CTNNA2: variants seen among roughly 807,000 people sequenced by gnomAD.
The protein encoded by CTNNA2 is catenin alpha 2, also known as catenin alpha-2.
In CTNNA2, 42 loss-of-function variants were observed where a neutral mutation model predicts 101.0. The observed-to-expected ratio is 0.42, with a 90% confidence interval of 0.32 to 0.54. The LOEUF (loss-of-function observed/expected upper bound fraction) is 0.54, where lower values mean the gene tolerates loss of function less well. CTNNA2 is among the 20% of genes least tolerant of loss of function. CTNNA2 has a pLI of 0.14. For synonymous variants in CTNNA2, 450 were observed against 456.4 expected, an observed-to-expected ratio of 0.99 and a Z score of 0.18; for missense variants, 871 against 1,223.1, an observed-to-expected ratio of 0.71 and a Z score of 4.29.
At chr2:79,308,796 T>G (rs1676303483) in intron 2 of CTNNA2, among the ~76,000 whole-genome samples, 1 of 148,506 alleles carries the variant, frequency 6.7e-6, no homozygotes, top group Non-Finnish European at 1.5e-5. Flanking sequence ...TTTTTTTTTT[T>G]GCTCTTGAGG....
chr2:79,278,705 A>G (rs184806879), intron 2 of CTNNA2, among the ~76,000 whole-genome samples: 1 of 152,270 alleles, frequency 6.6e-6, no homozygotes, highest in African/African-American at 2.4e-5. Flanking sequence ...CTCTACCTCC[A>G]GGCTAATTGC....
At chr2:80,477,705 T>C (rs984831115) in intron 9 of CTNNA2, among the ~76,000 whole-genome samples, 8 of 151,508 alleles carry the variant, frequency 5.3e-5, no homozygotes, top group Non-Finnish European at 8.8e-5. Flanking sequence ...TTCTTATGGC[T>C]GAGTAGTATT....
chr2:79,266,756 C>A (rs1674992398), intron 2 of CTNNA2, among the ~76,000 whole-genome samples: 1 of 151,980 alleles, frequency 6.6e-6, no homozygotes, highest in Admixed American at 6.6e-5. Context: ...GTATCACCAG[C>A]ATTTGAGAGA....
chr2:79,636,843 C>T (rs1046628351), intron 1 of CTNNA2: 2 of 151,994 alleles, frequency 1.3e-5, no homozygotes, highest in Non-Finnish European at 2.9e-5. Flanking sequence ...CTATATATAA[C>T]AAAATGAGTT....
intron 1 of CTNNA2, among the ~76,000 whole-genome samples, chr2:79,623,788 A>T (rs1679137163): frequency 6.6e-6 from 1 of 152,220 alleles, no homozygotes; most frequent in Non-Finnish European, 1.5e-5. Flanking sequence ...GAAGAAAAAG[A>T]AAATCAGTTT....
intron 7 of CTNNA2, among the ~76,000 whole-genome samples, chr2:80,197,130 A>T (rs1706892118): frequency 6.6e-6 from 1 of 152,102 alleles, no homozygotes; most frequent in Non-Finnish European, 1.5e-5. Context: ...TCCCAATGAG[A>T]TCTCTATTCA....
chr2:79,783,611 T>A (rs183839013), intron 3 of CTNNA2, among the ~76,000 whole-genome samples: 1 of 152,308 alleles, frequency 6.6e-6, no homozygotes, highest in East Asian at 1.9e-4. Flanking sequence ...CACTCTGTCT[T>A]AATTTTTACA....
At chr2:79,226,012 T>C (rs1006473125) in intron 2 of CTNNA2, among the ~76,000 whole-genome samples, 2 of 152,196 alleles carry the variant, frequency 1.3e-5, no homozygotes, top group Non-Finnish European at 2.9e-5. Flanking sequence ...GTTGAGGACT[T>C]GCCCTATGTG....
At chr2:80,570,732 C>T (rs1039819883) in intron 12 of CTNNA2, among the ~76,000 whole-genome samples, 10 of 152,054 alleles carry the variant, frequency 6.6e-5, no homozygotes, top group Admixed American at 5.2e-4. Context: ...CTTGAAAGGT[C>T]GATGGTAGTT....
intron 2 of CTNNA2, among the ~76,000 whole-genome samples, chr2:79,299,189 G>A (rs2104388754): frequency 6.6e-6 from 1 of 152,274 alleles, no homozygotes; most frequent in East Asian, 1.9e-4. Flanking sequence ...TCCTGAGTCA[G>A]GCAGGGTGTG....
At chr2:79,765,980 T>C (rs1673123186) in intron 3 of CTNNA2, among the ~76,000 whole-genome samples, 1 of 152,190 alleles carries the variant, frequency 6.6e-6, no homozygotes, top group South Asian at 2.1e-4. Flanking sequence ...TTAAAGCGAA[T>C]TCATTCTTGG....
chr2:79,919,692 T>C (rs1479011176), intron 7 of CTNNA2, among the ~76,000 whole-genome samples: 1 of 152,216 alleles, frequency 6.6e-6, no homozygotes, highest in Admixed American at 6.5e-5. Context: ...TGGGAAAACC[T>C]TCCCTTTGAA....
At chr2:80,166,065 T>C (rs1252461530) in intron 7 of CTNNA2, among the ~76,000 whole-genome samples, 2 of 152,198 alleles carry the variant, frequency 1.3e-5, no homozygotes, top group African/African-American at 2.4e-5. Flanking sequence ...TGTCATGATA[T>C]TGTGATATAT....
rs551701462 is a variant in CTNNA2, at chr2:80,198,696, A to G, written c.1057-194515A>G. On this transcript the variant is annotated intron_variant, in intron 7 of 18. Transcript: ENST00000402739. ...GAAGTTGAAATATGAAACACCATTC[A>G]TTGCCGAATTTACTAATTTTATGAC... Among the ~76,000 whole-genome samples the G allele has an allele frequency of 3.9e-4, 60 of 152,290 alleles. 2 individuals are homozygous for G. The highest frequency in any genetic ancestry group is 3.9e-3 in the South Asian group (19 of 4,824).
chr2:79,468,065 T>A (rs930188259), intron 4 of CTNNA2, among the ~76,000 whole-genome samples: 1 of 152,140 alleles, frequency 6.6e-6, no homozygotes, highest in Non-Finnish European at 1.5e-5. Context: ...AATGCTCCAA[T>A]TAAAAGACAC....
intron 7 of CTNNA2, among the ~76,000 whole-genome samples, chr2:80,322,410 A>T (rs1678789678): frequency 6.6e-6 from 1 of 152,166 alleles, no homozygotes; most frequent in Non-Finnish European, 1.5e-5. Context: ...CACTTCCCTG[A>T]AAGCCAGTGA....
At chr2:79,972,144 C>T (rs545821597) in intron 7 of CTNNA2, among the ~76,000 whole-genome samples, 2 of 152,262 alleles carry the variant, frequency 1.3e-5, no homozygotes, top group African/African-American at 2.4e-5. Flanking sequence ...CACAGTTCAT[C>T]GTCATGGTTC....
At chr2:79,435,162 G>A (rs1394556321) in intron 4 of CTNNA2, among the ~76,000 whole-genome samples, 1 of 152,116 alleles carries the variant, frequency 6.6e-6, no homozygotes, top group African/African-American at 2.4e-5. Context: ...GCATTAGATG[G>A]TTGGTGGTGG....
At chr2:79,587,018 C>T (rs1395680941) in intron 1 of CTNNA2, among the ~76,000 whole-genome samples, 2 of 152,130 alleles carry the variant, frequency 1.3e-5, no homozygotes, top group African/African-American at 2.4e-5. Context: ...TTTACGGCTG[C>T]GTAGTATTCC....
Sources: allele counts gnomAD v4.1 joint callset (sites outside exome capture counted in the v4.1 genomes callset), GRCh38; gene constraint gnomAD v4.1.1; transcripts MANE v1.5; gene names NCBI Gene and HGNC (gene_info 2026-07-23, HGNC 2026-07-21).